Variants in CPEB2 observed in about 807,000 individuals in gnomAD.
CPEB2 encodes cytoplasmic polyadenylation element binding protein 2.
A neutral mutation model predicts 93.6 loss-of-function variants in CPEB2; 56 were observed. The ratio of observed to expected loss-of-function variants is 0.60; its 90% CI spans 0.48 to 0.75. The LOEUF (loss-of-function observed/expected upper bound fraction) is 0.75, where lower values mean the gene tolerates loss of function less well. Among genes scored for constraint, CPEB2 ranks in the 30% least tolerant of loss-of-function variants. The pLI is 0.00. For synonymous variants in CPEB2, 764 were observed against 586.3 expected, an observed-to-expected ratio of 1.30 and a Z score of -4.38; for missense variants, 1,579 against 1,395.1, an observed-to-expected ratio of 1.13 and a Z score of -2.10.
At chr4:15,041,538 G>C (rs1727192045) in intron 6 of CPEB2, among the ~76,000 whole-genome samples, 1 of 152,040 alleles carries the variant, frequency 6.6e-6, no homozygotes, top group Non-Finnish European at 1.5e-5. Context: ...AAGTAGCTGG[G>C]ATTACAGGCA....
At chr4:15,013,074 T>C (rs1723694630) in intron 3 of CPEB2, among the ~76,000 whole-genome samples, 1 of 152,054 alleles carries the variant, frequency 6.6e-6, no homozygotes, top group South Asian at 2.1e-4. Context: ...GGTTATCTTT[T>C]TTCAAGATTT....
At chr4:15,009,229 C>A (rs1172685565) in intron 3 of CPEB2, among the ~76,000 whole-genome samples, 1 of 152,200 alleles carries the variant, frequency 6.6e-6, no homozygotes. Flanking sequence ...CTATGTTATT[C>A]TAAGTCTCTT....
At position 15,068,258 on chromosome 4, in the gene CPEB2, C is replaced by CT. The variant is rs1237279290; in HGVS notation, c.*1879dup. The stretch of plus-strand genomic sequence containing the variant: ...TACTGTAAAAATATGTGGTTCATGT[C>CT]TAACTCTGCTGTTTTATTGTGGTTG... On this transcript the variant is annotated 3_prime_UTR_variant, in exon 12 of 12. Coordinates refer to ENST00000538197, the MANE Select transcript of CPEB2 (RefSeq NM_001177382.2). The CT allele has an allele frequency of 6.6e-6, 1 of 152,272 alleles. No individual in the cohort carries two copies. Among genetic ancestry groups the CT allele is most frequent in the Non-Finnish European group, 1.5e-5 (1 of 67,856 alleles). The allele number at this position is 152,272 out of a possible 1,614,324, so 9.4% of individuals were successfully genotyped here.
chr4:15,003,061 G>C lies in CPEB2; in HGVS notation c.388G>C (p.Gly130Arg). Residue 130 changes from glycine to arginine, a missense_variant, in exon 1 of 12, where the codon GGT becomes CGT. Physicochemically the swap from Gly to Arg is moderately radical, Grantham distance 125. Transcript: ENST00000538197. The part of the protein sequence containing the change: ...DHHPGGGTIA[G>R]VTHLLPSQDF... ...CCACCCCGGCGGCGGCACGATCGCGGGTGTGACCCACCTCCTCCCCTCCCA... is the reference window on the plus strand; with the variant it reads ...CCACCCCGGCGGCGGCACGATCGCGCGTGTGACCCACCTCCTCCCCTCCCA... 1 of 1,523,752 alleles carries C rather than the reference G, an allele frequency of 6.6e-7. No individual in the cohort carries two copies. The highest frequency in any genetic ancestry group is 8.7e-7 in the Non-Finnish European group (1 of 1,143,132). The allele number at this position is 1,523,752 out of a possible 1,614,324, so 94.4% of individuals were successfully genotyped here. A position where few individuals can be genotyped will look rare whatever the true frequency, so the allele number is the denominator to read the frequency against.
intron 9 of CPEB2, 91 bp from the exon 10 acceptor site, chr4:15,059,096 A>G: frequency 1.5e-6 from 1 of 672,272 alleles, no homozygotes; most frequent in Non-Finnish European, 2.5e-6. Flanking sequence ...TTTAAGCAAT[A>G]AAAGAATCAC....
At chr4:15,019,371 G>A (rs1724567814) in intron 4 of CPEB2, among the ~76,000 whole-genome samples, 1 of 150,058 alleles carries the variant, frequency 6.7e-6, no homozygotes, top group Non-Finnish European at 1.5e-5. Context: ...GGGATATTAT[G>A]TTGTATATTT....
rs889974367 is a variant in CPEB2 at position 15,050,003 on chromosome 4, A to G, written c.2201-2411A>G. Among the ~76,000 whole-genome samples the G allele has an allele frequency of 3.9e-5, 6 of 152,150 alleles. 1 individual carries two copies. Among genetic ancestry groups the G allele is most frequent in the Non-Finnish European group, 8.8e-5 (6 of 68,020 alleles). ...TGTGTCATATTGTTCAAGATGTTCT[A>G]TGGCATGTGATTTAATATATAAACA... On this transcript the variant is annotated intron_variant, in intron 6 of 11. Coordinates refer to ENST00000538197, the MANE Select transcript of CPEB2 (RefSeq NM_001177382.2).
intron 8 of CPEB2, among the ~76,000 whole-genome samples, chr4:15,056,972 G>T (rs1406706467): frequency 1.3e-5 from 2 of 151,642 alleles, no homozygotes; most frequent in African/African-American, 2.4e-5. Flanking sequence ...TGAATTTAGA[G>T]TATTACTTTA....
At chr4:15,007,781 C>T (rs950084485) in intron 2 of CPEB2, among the ~76,000 whole-genome samples, 195 bp downstream of exon 2, 6 of 152,086 alleles carry the variant, frequency 3.9e-5, no homozygotes, top group South Asian at 4.1e-4. Context: ...TCTCTAAACA[C>T]GCAATGGAAA....
chr4:15,022,263 TA>T (rs147973894), intron 4 of CPEB2, among the ~76,000 whole-genome samples: 7,953 of 152,146 alleles, frequency 0.052, 233 homozygotes, highest in Non-Finnish European at 0.07. Context: ...TGGCATTTAT[TA>T]AAATAAAGTA....
intron 8 of CPEB2, among the ~76,000 whole-genome samples, chr4:15,058,101 T>C (rs900097014): frequency 7.9e-5 from 12 of 152,222 alleles, no homozygotes; most frequent in Non-Finnish European, 2.9e-5. Flanking sequence ...AGACTGACTT[T>C]GGTGGTACTT....
At position 15,067,381 on chromosome 4, in the gene CPEB2, A is replaced by G. The variant is rs1469926242; in HGVS notation, c.*1001A>G. ...TCAGTAGTGGAATTCGATTTTATGC[A>G]GACTGGATGTAATATTTGTAATCCC... On this transcript the variant is annotated 3_prime_UTR_variant, in exon 12 of 12. Coordinates refer to ENST00000538197, the MANE Select transcript of CPEB2 (RefSeq NM_001177382.2). 1 of 152,528 alleles carries G rather than the reference A, an allele frequency of 6.6e-6. No homozygotes were observed. The highest frequency in any genetic ancestry group is 1.9e-4 in the East Asian group (1 of 5,174). The allele number at this position is 152,528 out of a possible 1,614,324, so 9.4% of individuals were successfully genotyped here.
chr4:15,034,638 A>G (rs1726430198), intron 5 of CPEB2, among the ~76,000 whole-genome samples: 1 of 152,222 alleles, frequency 6.6e-6, no homozygotes, highest in African/African-American at 2.4e-5. Context: ...AAACTAGGAC[A>G]TGAAAATGTG....
chr4:15,053,030 T>A (rs927673390), intron 7 of CPEB2, among the ~76,000 whole-genome samples: 34 of 151,856 alleles, frequency 2.2e-4, no homozygotes, highest in African/African-American at 6.0e-4. Flanking sequence ...TTTATTTTTT[T>A]TTTTGAGGTG....
chr4:15,047,767 T>C (rs1354755434), intron 6 of CPEB2, among the ~76,000 whole-genome samples: 5 of 152,010 alleles, frequency 3.3e-5, no homozygotes, highest in Non-Finnish European at 7.4e-5. Context: ...AGTACAATGC[T>C]GAGTAGAAAT....
chr4:15,009,802 G>C (rs1451593792), intron 3 of CPEB2, among the ~76,000 whole-genome samples: 1 of 152,186 alleles, frequency 6.6e-6, no homozygotes, highest in Non-Finnish European at 1.5e-5. Flanking sequence ...TGAGAAATCA[G>C]ATTATTGAGT....
intron 6 of CPEB2, among the ~76,000 whole-genome samples, chr4:15,042,400 A>G (rs1012133476): frequency 6.6e-6 from 1 of 152,058 alleles, no homozygotes; most frequent in African/African-American, 2.4e-5. Context: ...ATATATCTCT[A>G]TCCCCCGTAA....
intron 6 of CPEB2, among the ~76,000 whole-genome samples, chr4:15,042,734 T>A (rs533465599): frequency 6.6e-6 from 1 of 152,320 alleles, no homozygotes; most frequent in South Asian, 2.1e-4. Context: ...GCAATTTTTT[T>A]AAAACCTGCA....
chr4:15,003,621 C>A lies in CPEB2; in HGVS notation c.948C>A (p.Ser316=). Residue 316 remains serine, a synonymous_variant, in exon 1 of 12, where the codon TCC becomes TCA. Coordinates refer to ENST00000538197, the MANE Select transcript of CPEB2 (RefSeq NM_001177382.2). ...ACCCCGCGCCGGGCTCCATGGAGTC[C>A]CCCAACCACCCTCTGCTCAACAGTC... ...PVNPAPGSME[S]PNHPLLNSPS... 1 of 1,481,070 alleles carries A rather than the reference C, an allele frequency of 6.8e-7. No homozygotes were observed. Among genetic ancestry groups the A allele is most frequent in the Non-Finnish European group, 8.9e-7 (1 of 1,120,350 alleles). The allele number at this position is 1,481,070 out of a possible 1,614,324, so 91.7% of individuals were successfully genotyped here. A position where few individuals can be genotyped will look rare whatever the true frequency, so the allele number is the denominator to read the frequency against.
Sources: allele counts gnomAD v4.1 joint callset (sites outside exome capture counted in the v4.1 genomes callset), GRCh38; gene constraint gnomAD v4.1.1; transcripts MANE v1.5; gene names NCBI Gene and HGNC (gene_info 2026-07-23, HGNC 2026-07-21).